The following PSRC1 variants were observed in gnomAD, a reference collection of about 807,000 sequenced individuals.
The protein encoded by PSRC1 is proline/serine-rich coiled-coil protein 1.
Under a neutral mutation model 31.9 loss-of-function variants are expected in PSRC1, and 30 were observed. The observed-to-expected ratio is 0.94, with a 90% CI of 0.70 to 1.28. The LOEUF is 1.28. Among genes scored for constraint, PSRC1 ranks in the 50% most tolerant of loss-of-function variants. The pLI is 0.00. For synonymous variants in PSRC1, 191 were observed against 192.1 expected, an observed-to-expected ratio of 0.99 and a Z score of 0.05; for missense variants, 481 against 472.8, an observed-to-expected ratio of 1.02 and a Z score of -0.16.
exon 5 of PSRC1, chr1:109,280,990 G>C (rs762813062): frequency 6.2e-7 from 1 of 1,610,772 alleles, no homozygotes; most frequent in Middle Eastern, 1.7e-4. Flanking sequence ...GGCAGGCGTT[G>C]AGAGTTGCTG....
intron 4 of PSRC1, 91 bp from the exon 5 acceptor site, chr1:109,281,342 G>T: frequency 8.7e-7 from 1 of 1,153,014 alleles, no homozygotes; most frequent in Non-Finnish European, 1.2e-6. Context: ...GTGGAGAGTT[G>T]TCTACATCCC....
At chr1:109,281,387 C>T (rs1200206192) in intron 4 of PSRC1, 136 bp from the exon 5 acceptor site, 2 of 789,592 alleles carry the variant, frequency 2.5e-6, no homozygotes, top group Non-Finnish European at 4.0e-6. Flanking sequence ...GCTAACATCA[C>T]CACATCACCA....
At chr1:109,281,925 T>C in exon 4 of PSRC1, 1 of 1,602,954 alleles carries the variant, frequency 6.2e-7, no homozygotes, top group Non-Finnish European at 8.5e-7. Context: ...CCAGCTTCTC[T>C]GGACTGAGGG....
chr1:109,280,829 C>T (rs1405357908), exon 5 of PSRC1: 1 of 1,608,898 alleles, frequency 6.2e-7, no homozygotes, highest in Non-Finnish European at 8.5e-7. Context: ...GTCTTGGAAG[C>T]CCTTTTCGAG....
chr1:109,279,652 C>A, exon 7 of PSRC1: 1 of 160,954 alleles, frequency 6.2e-6, no homozygotes. Context: ...TCACAGAATT[C>A]ACAGGAAACA....
intron 5 of PSRC1, 84 bp downstream of exon 6, chr1:109,280,693 T>TA (rs1238475896): frequency 5.2e-5 from 61 of 1,179,692 alleles, no homozygotes; most frequent in Middle Eastern, 4.6e-4. Context: ...GCAATAAGGA[T>TA]GGCAAAAGTG....
exon 5 of PSRC1, chr1:109,281,212 G>C: frequency 8.7e-6 from 14 of 1,611,072 alleles, no homozygotes; most frequent in Non-Finnish European, 1.2e-5. Context: ...GAAGATGCTG[G>C]GCTTTTGGAT....
In PSRC1 at chr1:109,281,768, C is replaced by T. The variant is rs372061380; in HGVS notation, c.370G>A (p.Val124Ile). 3.1e-6 allele frequency: 5 copies of T among 1,614,006 alleles called. No individual in the cohort carries two copies. The African/African-American group carries it at 6.7e-5, about 22-fold the overall frequency. The change falls in exon 4 of 7, where the codon GTC (valine) becomes ATC (isoleucine). Residue 124 changes from valine to isoleucine, a missense_variant. Val to Ile is a conservative substitution (Grantham distance 29). Coordinates refer to ENST00000409138, the Ensembl canonical transcript of PSRC1. ...TTCACAGTGGGCAGCAGGTCTCGGA[C>T]AGGACTATCCTTCAGCACAAAGGTC...
chr1:109,281,741 A>T, exon 4 of PSRC1: 1 of 1,614,000 alleles, frequency 6.2e-7, no homozygotes, highest in South Asian at 1.1e-5. Flanking sequence ...CGCGTCAAAG[A>T]GTTCACAGTG....
rs1426653556 is a variant in PSRC1 at position 109,280,476 on chromosome 1, CT to C, written c.1007del (p.Gln336ArgfsTer3). The C allele has an allele frequency of 1.2e-6, 2 of 1,612,822 alleles. No homozygotes were observed. The highest frequency in any genetic ancestry group is 1.7e-4 in the Middle Eastern group (1 of 6,056). ...CACCCATGACAGGAAGATTTAGTCG[CT>C]GGGAAACAGGAACTTCATGGGGGTT... is the stretch of plus-strand genomic sequence containing the variant. On this transcript the variant is annotated frameshift_variant, in exon 6 of 7. Coordinates refer to ENST00000409138, the Ensembl canonical transcript of PSRC1. LOFTEE classifies it high-confidence loss of function.
exon 5 of PSRC1, chr1:109,281,145 G>A: frequency 6.2e-7 from 1 of 1,613,588 alleles, no homozygotes; most frequent in Non-Finnish European, 8.5e-7. Flanking sequence ...ACTGGCTGCT[G>A]CTCTCCCACT....
chr1:109,281,390 C>A, intron 4 of PSRC1, 139 bp from the exon 5 acceptor site: 1 of 744,980 alleles, frequency 1.3e-6, no homozygotes. Context: ...AACATCACCA[C>A]ATCACCATCA....
At chr1:109,282,134 A>G (rs970591965) in intron 3 of PSRC1, 74 bp from the exon 4 acceptor site, 9 of 1,318,972 alleles carry the variant, frequency 6.8e-6, no homozygotes, top group African/African-American at 1.5e-5. Flanking sequence ...AGACTGCATA[A>G]AAGCCCCACA....
At position 109,282,752 on chromosome 1, in the gene PSRC1, A is replaced by G; in HGVS notation, c.-33-21T>C. 2 of 1,549,022 alleles carry G rather than the reference A, an allele frequency of 1.3e-6. No individual in the cohort carries two copies. Among genetic ancestry groups the G allele is most frequent in the Non-Finnish European group, 1.7e-6 (2 of 1,146,374 alleles). On this transcript the variant is annotated intron_variant, in intron 1 of 6. Coordinates refer to ENST00000409138, the Ensembl canonical transcript of PSRC1. ...TAGATCTGAGCTGGAGAGAAACCATACCTTTCCTCAGGTATCCATTCTGCC... is the reference window on the plus strand; with the variant it reads ...TAGATCTGAGCTGGAGAGAAACCATGCCTTTCCTCAGGTATCCATTCTGCC...
At chr1:109,282,999 T>A (rs1467134783) in intron 1 of PSRC1, 64 bp downstream of exon 1, 5 of 555,658 alleles carry the variant, frequency 9.0e-6, no homozygotes. Context: ...CCCGCCACTA[T>A]CCTCAGGGTT....
chr1:109,282,817 G>C (rs539698610), intron 1 of PSRC1, 81 bp from the exon 2 acceptor site: 1 of 1,414,146 alleles, frequency 7.1e-7, no homozygotes, highest in African/African-American at 1.4e-5. Context: ...GCCAGGGTCG[G>C]GGGTCATGCT....
intron 4 of PSRC1, 133 bp from the exon 5 acceptor site, chr1:109,281,384 T>A (rs1270882127): frequency 1.3e-6 from 1 of 786,816 alleles, no homozygotes. Context: ...GCTGCTAACA[T>A]CACCACATCA....
At chr1:109,282,798 A>G in intron 1 of PSRC1, 62 bp from the exon 2 acceptor site, 1 of 1,511,196 alleles carries the variant, frequency 6.6e-7, no homozygotes, top group Middle Eastern at 2.3e-4. Flanking sequence ...AGCTAGATTC[A>G]GGGTGCAAGC....
intron 1 of PSRC1, 91 bp from the exon 2 acceptor site, chr1:109,282,827 T>C: frequency 7.6e-7 from 1 of 1,322,528 alleles, no homozygotes; most frequent in Non-Finnish European, 1.0e-6. Flanking sequence ...GGGGTCATGC[T>C]GGAGGCAAAG....
Sources: allele counts gnomAD v4.1 joint callset, GRCh38; gene constraint gnomAD v4.1.1; transcripts MANE v1.5; gene names NCBI Gene and HGNC (gene_info 2026-07-23, HGNC 2026-07-21).